Variants in TOX observed in about 807,000 individuals in gnomAD.
The protein encoded by TOX is thymocyte selection associated high mobility group box.
In TOX, 11 loss-of-function variants were observed where a neutral mutation model predicts 53.7. That is an observed-to-expected ratio of 0.20 (90% CI 0.13 to 0.34). TOX has a LOEUF of 0.34. TOX is among the 10% of genes least tolerant of loss of function. TOX has a pLI of 1.00. For missense variants in TOX, 570 were observed against 664.6 expected (o/e 0.86, Z 1.56); for synonymous variants, 225 against 245.3 (o/e 0.92, Z 0.77).
chr8:58,874,024 G>C (rs1272494297), intron 3 of TOX, among the ~76,000 whole-genome samples: 1 of 118,142 alleles, frequency 8.5e-6, no homozygotes, highest in African/African-American at 3.4e-5. Flanking sequence ...TGTTGGCCAA[G>C]CATGACAAGG....
chr8:58,844,699 C>T (rs983623360), intron 4 of TOX, among the ~76,000 whole-genome samples: 10 of 152,094 alleles, frequency 6.6e-5, no homozygotes, highest in Non-Finnish European at 1.5e-4. Flanking sequence ...ATCATAGCAA[C>T]TAAAACATGG....
intron 3 of TOX, among the ~76,000 whole-genome samples, chr8:58,852,635 A>C (rs1237593539): frequency 2.0e-5 from 3 of 152,180 alleles, no homozygotes; most frequent in African/African-American, 7.2e-5. Flanking sequence ...AGTATGGAGA[A>C]TTTCACTTAA....
At chr8:59,091,666 G>A (rs1197651760) in intron 1 of TOX, among the ~76,000 whole-genome samples, 2 of 152,040 alleles carry the variant, frequency 1.3e-5, no homozygotes, top group African/African-American at 2.4e-5. Flanking sequence ...TCAGTGCAGG[G>A]CTTCATCCAT....
intron 6 of TOX, among the ~76,000 whole-genome samples, chr8:58,817,596 G>T (rs1319159725): frequency 6.6e-6 from 1 of 152,140 alleles, no homozygotes; most frequent in Non-Finnish European, 1.5e-5. Context: ...GAAAGATTAT[G>T]TGTTAAGTCT....
intron 1 of TOX, among the ~76,000 whole-genome samples, chr8:59,073,133 C>T (rs1008327161): frequency 6.6e-6 from 1 of 152,134 alleles, no homozygotes; most frequent in Non-Finnish European, 1.5e-5. Context: ...TCTCTTATAC[C>T]TAAACAGTGA....
chr8:59,076,397 C>T (rs190369091), intron 1 of TOX, among the ~76,000 whole-genome samples: 8 of 152,332 alleles, frequency 5.3e-5, no homozygotes, highest in African/African-American at 1.9e-4. Context: ...GTGGATGCTT[C>T]TCAAGTCTGG....
chr8:59,065,830 A>G (rs1365568011), intron 1 of TOX, among the ~76,000 whole-genome samples: 1 of 152,194 alleles, frequency 6.6e-6, no homozygotes. Context: ...TCACATGAGA[A>G]CCAAAGTTCA....
At chr8:58,869,541 C>T (rs998409042) in intron 3 of TOX, among the ~76,000 whole-genome samples, 1 of 152,028 alleles carries the variant, frequency 6.6e-6, no homozygotes, top group African/African-American at 2.4e-5. Context: ...GCTATGAGAA[C>T]AGTATTACTC....
chr8:58,922,246 C>G (rs1182679502), intron 3 of TOX, among the ~76,000 whole-genome samples: 1 of 152,160 alleles, frequency 6.6e-6, no homozygotes. Flanking sequence ...ATGAATTTTA[C>G]AGCTCCAGGA....
At chr8:59,061,384 A>T (rs1803981481) in intron 1 of TOX, among the ~76,000 whole-genome samples, 1 of 152,228 alleles carries the variant, frequency 6.6e-6, no homozygotes, top group Non-Finnish European at 1.5e-5. Flanking sequence ...CAATGCCACA[A>T]ACCAGTTCAC....
intron 1 of TOX, among the ~76,000 whole-genome samples, chr8:59,036,293 C>G (rs1814457727): frequency 1.3e-5 from 2 of 152,168 alleles, no homozygotes; most frequent in South Asian, 4.1e-4. Context: ...TGAAGAATAG[C>G]TGATCCCCTT....
intron 3 of TOX, among the ~76,000 whole-genome samples, chr8:58,883,249 T>C (rs999645452): frequency 6.6e-6 from 1 of 152,224 alleles, no homozygotes; most frequent in African/African-American, 2.4e-5. Context: ...ACCAGCAGGC[T>C]GTGAGCCTCA....
intron 2 of TOX, among the ~76,000 whole-genome samples, chr8:58,943,556 T>G (rs1252079153): frequency 6.6e-6 from 1 of 150,992 alleles, no homozygotes; most frequent in Non-Finnish European, 1.5e-5. Context: ...GATCACTTGG[T>G]CCTTTCCAAG....
intron 3 of TOX, among the ~76,000 whole-genome samples, chr8:58,880,286 G>A (rs1036840185): frequency 6.6e-6 from 1 of 152,144 alleles, no homozygotes; most frequent in Non-Finnish European, 1.5e-5. Context: ...GGAAAAGGAT[G>A]GCTGGTTATT....
At chr8:58,834,745 C>T (rs1458908972) in intron 5 of TOX, among the ~76,000 whole-genome samples, 6 of 152,256 alleles carry the variant, frequency 3.9e-5, no homozygotes, top group African/African-American at 1.2e-4. Context: ...TTGTAAGCAG[C>T]GTCTGATTTC....
At chr8:59,003,429 A>AGCGATGGGATTTT in intron 1 of TOX, among the ~76,000 whole-genome samples, 1 of 152,160 alleles carries the variant, frequency 6.6e-6, no homozygotes, top group Admixed American at 6.5e-5. Flanking sequence ...GAGATCTATT[A>AGCGATGGGATTTT]GCGATGGGAT....
chr8:58,877,620 A>G (rs544546705), intron 3 of TOX, among the ~76,000 whole-genome samples: 1 of 152,330 alleles, frequency 6.6e-6, no homozygotes, highest in East Asian at 1.9e-4. Context: ...CACCAAAGAT[A>G]TATGTAATCA....
At chr8:59,087,731 G>C (rs1004460072) in intron 1 of TOX, among the ~76,000 whole-genome samples, 2 of 152,116 alleles carry the variant, frequency 1.3e-5, no homozygotes, top group Non-Finnish European at 2.9e-5. Flanking sequence ...TTATAAAACT[G>C]GAAACCCACC....
chr8:58,807,920 T>A (rs1252350089), intron 8 of TOX, 137 bp from the exon 9 acceptor site: 4 of 1,303,962 alleles, frequency 3.1e-6, no homozygotes, highest in African/African-American at 1.5e-5. Context: ...TTAACCTACA[T>A]CTGAAGTGAG....
Sources: gnomAD v4.1 joint callset for allele counts (sites outside exome capture counted in the v4.1 genomes callset) on GRCh38, gnomAD v4.1.1 for gene constraint, MANE v1.5 for transcripts, NCBI Gene and HGNC (gene_info 2026-07-23, HGNC 2026-07-21) for gene names.